Variants in MORF4L1 observed in about 807,000 individuals in gnomAD.
MORF4L1 encodes the protein mortality factor 4-like protein 1.
A neutral mutation model predicts 52.9 loss-of-function variants in MORF4L1; 4 were observed. The ratio of observed to expected loss-of-function variants is 0.08; its 90% CI spans 0.04 to 0.17. MORF4L1 has a LOEUF of 0.17. MORF4L1 is among the 10% of genes least tolerant of loss of function. MORF4L1 has a pLI of 1.00. For synonymous variants in MORF4L1, 123 were observed against 134.8 expected (o/e 0.91, Z 0.61); for missense variants, 214 against 390.4 (o/e 0.55, Z 3.81).
At chr15:78,887,604 AG>A (rs2056728197) in intron 5 of MORF4L1, among the ~76,000 whole-genome samples, 1 of 152,196 alleles carries the variant, frequency 6.6e-6, no homozygotes, top group Non-Finnish European at 1.5e-5. Flanking sequence ...AGATAGTACT[AG>A]TGGTTATAAG....
rs747275552 is a variant in MORF4L1 at position 78,886,230 on chromosome 15, A to G, written c.242+3A>G. On this transcript the variant is annotated splice_donor_region_variant and intron_variant, in intron 4 of 11. Transcript: ENST00000426013. The stretch of plus-strand genomic sequence containing the variant: ...CGAGAACTTCAAAAAGCCAATCAGT[A>G]AGTTTGTTTTGTGAACTGAATATTA... 6.2e-7 allele frequency: 1 copy of G among 1,611,184 alleles called. No homozygotes were observed. The highest frequency in any genetic ancestry group is 1.1e-5 in the South Asian group (1 of 91,016).
chr15:78,876,545 G>T, intron 1 of MORF4L1: 1 of 455,978 alleles, frequency 2.2e-6, no homozygotes, highest in Middle Eastern at 3.3e-4. Context: ...CGGTTTCAGT[G>T]CACTTTTTTT....
chr15:78,892,148 C>T, intron 7 of MORF4L1, 64 bp from the exon 8 acceptor site: 1 of 1,133,284 alleles, frequency 8.8e-7, no homozygotes, highest in Non-Finnish European at 1.3e-6. Flanking sequence ...AAGTCAGCTC[C>T]CCTCCATGTT....
At chr15:78,894,936 T>C in intron 11 of MORF4L1, 32 bp downstream of exon 11, 1 of 1,552,428 alleles carries the variant, frequency 6.4e-7, no homozygotes, top group Non-Finnish European at 8.9e-7. Flanking sequence ...TAAACATGGA[T>C]TTGAAAATTA....
At chr15:78,879,325 A>C (rs996830699) in intron 2 of MORF4L1, among the ~76,000 whole-genome samples, 2 of 151,716 alleles carry the variant, frequency 1.3e-5, no homozygotes, top group African/African-American at 4.8e-5. Flanking sequence ...GGGTTGAAGC[A>C]ATTCTCCTGC....
chr15:78,875,580 C>A (rs1252770797), intron 1 of MORF4L1, among the ~76,000 whole-genome samples: 4 of 145,006 alleles, frequency 2.8e-5, no homozygotes, highest in Non-Finnish European at 6.1e-5. Flanking sequence ...CGGTTCGAGA[C>A]CAGCCTGGTC....
chr15:78,886,987 T>C (rs574493015), intron 4 of MORF4L1, among the ~76,000 whole-genome samples: 58 of 150,318 alleles, frequency 3.9e-4, no homozygotes, highest in Non-Finnish European at 7.3e-4. Context: ...AAAATGGTAA[T>C]GGGAACAAAT....
chr15:78,894,911 C>T lies in MORF4L1; in HGVS notation c.887+7C>T. 6.2e-7 allele frequency: 1 copy of T among 1,604,528 alleles called. No homozygotes were observed. The highest frequency in any genetic ancestry group is 8.5e-7 in the Non-Finnish European group (1 of 1,171,426). On this transcript the variant is annotated splice_region_variant and intron_variant, in intron 11 of 11. Transcript: ENST00000426013. ...ATCTTCACGATTTCCTAAAGTAAGT[C>T]TGTGCTTGAAATTATAAACATGGAT...
intron 6 of MORF4L1, 154 bp downstream of exon 6, chr15:78,891,168 G>A: frequency 2.1e-6 from 2 of 961,076 alleles, no homozygotes; most frequent in East Asian, 2.9e-5. Context: ...GTACATGGTG[G>A]TAGAGACCTC....
At chr15:78,891,253 C>A in intron 6 of MORF4L1, 1 of 661,472 alleles carries the variant, frequency 1.5e-6, no homozygotes, top group Non-Finnish European at 2.6e-6. Flanking sequence ...GAGAAGATAA[C>A]ATTTATAAAT....
At chr15:78,876,608 T>A (rs756828154) in intron 1 of MORF4L1, 3 of 455,956 alleles carry the variant, frequency 6.6e-6, no homozygotes, top group South Asian at 4.6e-5. Context: ...TCAGAGTGCC[T>A]TTAAAATGTA....
Position 78,897,816 on chromosome 15 carries a change from G to A in MORF4L1, c.*749G>A, listed in dbSNP as rs1286147786. The A allele has an allele frequency of 6.6e-6, 1 of 152,564 alleles. No homozygotes were observed. The highest frequency in any genetic ancestry group is 1.5e-5 in the Non-Finnish European group (1 of 68,024). 9.5% of individuals were successfully genotyped at this position (152,564 alleles called of 1,614,324 possible). ...CTTGTATTTAGACAGTGGTTTTTCA[G>A]GTGCGTGCTTTGTTTTCTGGTATGG... On this transcript the variant is annotated 3_prime_UTR_variant, in exon 12 of 12. Coordinates refer to ENST00000426013, the MANE Select transcript of MORF4L1 (RefSeq NM_006791.4).
At chr15:78,896,741 CTG>C (rs2056897060) in intron 11 of MORF4L1, among the ~76,000 whole-genome samples, 1 of 152,126 alleles carries the variant, frequency 6.6e-6, no homozygotes, top group African/African-American at 2.4e-5. Context: ...CTGTTCTTTG[CTG>C]TTTAGAAATA....
intron 1 of MORF4L1, among the ~76,000 whole-genome samples, chr15:78,873,548 G>A (rs771475881): frequency 2.0e-5 from 3 of 152,152 alleles, no homozygotes; most frequent in Non-Finnish European, 4.4e-5. Context: ...AGCTGCGGAT[G>A]GGGGTGGGTT....
At chr15:78,894,988 TAAAC>T in intron 11 of MORF4L1, 84 bp downstream of exon 11, 2 of 1,089,018 alleles carry the variant, frequency 1.8e-6, no homozygotes, top group Non-Finnish European at 2.8e-6. Flanking sequence ...GCTAAAACAT[TAAAC>T]ATTATATTGG....
intron 3 of MORF4L1, among the ~76,000 whole-genome samples, chr15:78,881,902 G>GA (rs1330747318): frequency 6.6e-6 from 1 of 152,166 alleles, no homozygotes; most frequent in African/African-American, 2.4e-5. Context: ...TGTTACTATG[G>GA]AAGGAGTTTA....
intron 10 of MORF4L1, 79 bp from the exon 11 acceptor site, chr15:78,894,741 T>G: frequency 1.8e-6 from 2 of 1,083,634 alleles, no homozygotes; most frequent in Non-Finnish European, 2.8e-6. Context: ...TTGGTGGTGT[T>G]TGCTCACATA....
rs143974676 is a variant in MORF4L1 at position 78,895,292 on chromosome 15, G to A, written c.887+388G>A. 3.6e-3 allele frequency among the ~76,000 whole-genome samples: 528 copies of A among 147,216 alleles called. 4 individuals are homozygous for A. The highest frequency in any genetic ancestry group is 0.012 in the African/African-American group (497 of 40,610). Reference sequence around the variant, plus strand: ...GTGTTCCATTTATGATAAATGGTTGGTACCTTTAATACACACAGAGTTCTT... The same window carrying A: ...GTGTTCCATTTATGATAAATGGTTGATACCTTTAATACACACAGAGTTCTT... On this transcript the variant is annotated intron_variant, in intron 11 of 11. Coordinates refer to ENST00000426013, the MANE Select transcript of MORF4L1 (RefSeq NM_006791.4).
At chr15:78,880,903 A>G (rs906357126) in intron 3 of MORF4L1, among the ~76,000 whole-genome samples, 1 of 143,500 alleles carries the variant, frequency 7.0e-6, no homozygotes, top group Non-Finnish European at 1.5e-5. Context: ...GTACATTTTT[A>G]GGATGGCCTG....
Sources: allele counts gnomAD v4.1 joint callset (sites outside exome capture counted in the v4.1 genomes callset), GRCh38; gene constraint gnomAD v4.1.1; transcripts MANE v1.5; gene names NCBI Gene and HGNC (gene_info 2026-07-23, HGNC 2026-07-21).